MTBP: variants seen among roughly 807,000 people sequenced by gnomAD.
MTBP encodes the protein mdm2-binding protein.
In MTBP, 101 loss-of-function variants were observed where a neutral mutation model predicts 117.0. The observed-to-expected ratio is 0.86, with a 90% CI of 0.73 to 1.02. The LOEUF is 1.02. MTBP is among the 50% of genes least tolerant of loss of function. The pLI is 0.00. For missense variants in MTBP, 970 were observed against 1,030.9 expected (o/e 0.94, Z 0.81); for synonymous variants, 350 against 351.5 (o/e 1.00, Z 0.05).
chr8:120,499,322 A>C (rs1314471670), intron 14 of MTBP, among the ~76,000 whole-genome samples: 1 of 151,864 alleles, frequency 6.6e-6, no homozygotes, highest in Non-Finnish European at 1.5e-5. Context: ...TTTAAATGTA[A>C]CTTTCTCAAA....
intron 8 of MTBP, 83 bp downstream of exon 8, chr8:120,459,432 A>G (rs1813539959): frequency 7.4e-7 from 1 of 1,356,438 alleles, no homozygotes. Flanking sequence ...ACTTAATATT[A>G]CTAATATATG....
At chr8:120,515,447 A>C (rs1350337959) in intron 17 of MTBP, among the ~76,000 whole-genome samples, 1 of 152,078 alleles carries the variant, frequency 6.6e-6, no homozygotes, top group Non-Finnish European at 1.5e-5. Context: ...ACTGAGTTTC[A>C]AAGAAAAAAT....
At chr8:120,493,399 A>C (rs979692109) in intron 13 of MTBP, among the ~76,000 whole-genome samples, 2 of 152,074 alleles carry the variant, frequency 1.3e-5, no homozygotes, top group African/African-American at 2.4e-5. Context: ...TCTTCTTCAA[A>C]TTGTAATATA....
intron 13 of MTBP, among the ~76,000 whole-genome samples, chr8:120,495,840 A>T (rs1355027944): frequency 6.6e-6 from 1 of 152,010 alleles, no homozygotes; most frequent in African/African-American, 2.4e-5. Context: ...AATTATAGCA[A>T]ACTTTGTTTA....
chr8:120,520,695 G>C (rs183819052), intron 20 of MTBP, among the ~76,000 whole-genome samples: 2 of 152,120 alleles, frequency 1.3e-5, no homozygotes, highest in East Asian at 3.9e-4. Flanking sequence ...TCAATAATCA[G>C]AATGGCATTG....
intron 17 of MTBP, among the ~76,000 whole-genome samples, chr8:120,511,066 A>C (rs944390533): frequency 8.5e-5 from 13 of 152,284 alleles, no homozygotes; most frequent in African/African-American, 3.1e-4. Context: ...TGAACAACAG[A>C]TCGGCAACTC....
intron 2 of MTBP, among the ~76,000 whole-genome samples, chr8:120,447,623 T>A (rs928966694): frequency 3.3e-5 from 5 of 152,140 alleles, no homozygotes; most frequent in Non-Finnish European, 7.4e-5. Flanking sequence ...ATGAGAAAAA[T>A]TAGAATTGTC....
intron 14 of MTBP, among the ~76,000 whole-genome samples, chr8:120,497,939 AT>A (rs1814503112): frequency 6.6e-6 from 1 of 152,190 alleles, no homozygotes; most frequent in African/African-American, 2.4e-5. Flanking sequence ...AAAAGTCCAT[AT>A]GATAAGATGA....
chr8:120,483,019 T>G (rs987458994), intron 11 of MTBP, among the ~76,000 whole-genome samples: 2 of 151,834 alleles, frequency 1.3e-5, no homozygotes, highest in South Asian at 4.2e-4. Flanking sequence ...TTTTTTTTTT[T>G]TTTAACTATT....
At chr8:120,445,993 T>TATA (rs1304446299) in intron 1 of MTBP, among the ~76,000 whole-genome samples, 3 of 152,228 alleles carry the variant, frequency 2.0e-5, no homozygotes, top group Non-Finnish European at 4.4e-5. Context: ...ACATCCCACA[T>TATA]ATAACCTAAG....
At chr8:120,467,448 C>G (rs1407849708) in intron 10 of MTBP, among the ~76,000 whole-genome samples, 1 of 152,168 alleles carries the variant, frequency 6.6e-6, no homozygotes, top group African/African-American at 2.4e-5. Flanking sequence ...AACCCCGCCT[C>G]TACTAAAACA....
At chr8:120,495,495 T>A (rs1221211921) in intron 13 of MTBP, among the ~76,000 whole-genome samples, 1 of 152,134 alleles carries the variant, frequency 6.6e-6, no homozygotes, top group East Asian at 1.9e-4. Context: ...AGTCATATCT[T>A]GAAATCTGAA....
intron 11 of MTBP, chr8:120,473,104 A>T (rs1181905514): frequency 6.6e-6 from 1 of 152,214 alleles, no homozygotes; most frequent in Non-Finnish European, 1.5e-5. Context: ...TGTATATTTT[A>T]CATCATCTCT....
intron 11 of MTBP, chr8:120,471,590 A>G (rs1813818052): frequency 6.6e-6 from 1 of 152,234 alleles, no homozygotes; most frequent in Admixed American, 6.5e-5. Context: ...GGCGTGGGCC[A>G]CCGCACTTGA....
In MTBP at chr8:120,488,257, A is replaced by C; in HGVS notation, c.1264A>C (p.Asn422His). 1 of 1,590,338 alleles carries C rather than the reference A, an allele frequency of 6.3e-7. No individual in the cohort carries two copies. The highest frequency in any genetic ancestry group is 8.5e-7 in the Non-Finnish European group (1 of 1,171,552). Residue 422 changes from asparagine (N) to histidine (H), a missense_variant, in exon 12 of 22, where the codon AAC becomes CAC. Asn to His is a moderately conservative substitution (Grantham distance 68). Coordinates refer to ENST00000305949, the MANE Select transcript of MTBP (RefSeq NM_022045.5). ...RCKATLIHSA[N>H]QINGSFALNL... ...TAAAGCCACATTGATTCACTCAGCCAACCAGATCAATGGCTCATTTGCACT... is the reference window on the plus strand; with the variant it reads ...TAAAGCCACATTGATTCACTCAGCCCACCAGATCAATGGCTCATTTGCACT...
Position 120,451,273 on chromosome 8 carries a change from T to C in MTBP, c.376T>C (p.Cys126Arg), listed in dbSNP as rs769386367. Reference sequence around the variant, plus strand: ...CGAAGAATGTTTGGGTGCTGTTGAGTGTTTTGAAGAAGAAGACAGTAATAG... The same window carrying C: ...CGAAGAATGTTTGGGTGCTGTTGAGCGTTTTGAAGAAGAAGACAGTAATAG... ...NIEECLGAVE[C>R]FEEEDSNSRE... Residue 126 changes from cysteine (C) to arginine (R), a missense_variant, in exon 4 of 22, where the codon TGT becomes CGT. Coordinates refer to ENST00000305949, the MANE Select transcript of MTBP (RefSeq NM_022045.5). The C allele has an allele frequency of 6.2e-7, 1 of 1,613,284 alleles. No homozygotes were observed. The highest frequency in any genetic ancestry group is 1.1e-5 in the South Asian group (1 of 91,028).
intron 11 of MTBP, among the ~76,000 whole-genome samples, chr8:120,482,674 C>G (rs1378830093): frequency 6.6e-6 from 1 of 151,552 alleles, no homozygotes; most frequent in African/African-American, 2.4e-5. Context: ...TACACCTATT[C>G]AACAGTACTA....
At chr8:120,476,678 A>G (rs1813948068) in intron 11 of MTBP, among the ~76,000 whole-genome samples, 3 of 151,300 alleles carry the variant, frequency 2.0e-5, no homozygotes, top group Admixed American at 2.0e-4. Context: ...TAAAATACCT[A>G]GGAATACAAC....
Position 120,516,115 on chromosome 8 carries a change from C to T in MTBP, c.2170C>T (p.Gln724Ter). 6.2e-7 allele frequency: 1 copy of T among 1,612,744 alleles called. No homozygotes were observed. The highest frequency in any genetic ancestry group is 8.5e-7 in the Non-Finnish European group (1 of 1,179,058). Reference sequence around the variant, plus strand: ...AAGTGTCCCTGACGGAGAAGTTTTACAAAATGAACTTCGAACTGAAGTATC... The same window carrying T: ...AAGTGTCCCTGACGGAGAAGTTTTATAAAATGAACTTCGAACTGAAGTATC... ...PGSVPDGEVLQNELRTEVSRL... is the reference protein window; with the variant it reads ...PGSVPDGEVL The change falls in exon 18 of 22, where the codon CAA becomes TAA. Residue 724 changes from glutamine to a stop codon, truncating the protein, a stop_gained. Transcript: ENST00000305949. LOFTEE classifies it high-confidence loss of function.
Sources: allele counts gnomAD v4.1 joint callset (sites outside exome capture counted in the v4.1 genomes callset), GRCh38; gene constraint gnomAD v4.1.1; transcripts MANE v1.5; gene names NCBI Gene and HGNC (gene_info 2026-07-23, HGNC 2026-07-21).